The following EVL variants were observed in gnomAD, a reference collection of about 807,000 sequenced individuals.
EVL encodes ena/VASP-like protein.
In EVL, 21 loss-of-function variants were observed where a neutral mutation model predicts 59.6. The ratio of observed to expected loss-of-function variants is 0.35; its 90% CI spans 0.25 to 0.51. The LOEUF is 0.51. Ranked by LOEUF, EVL falls within the 20% of genes least tolerant of loss-of-function variation. EVL has a pLI of 0.97. For synonymous variants in EVL, 198 were observed against 203.5 expected (o/e 0.97, Z 0.23); for missense variants, 462 against 546.6 (o/e 0.85, Z 1.54).
intron 1 of EVL, among the ~76,000 whole-genome samples, chr14:100,004,761 A>G (rs1423865580): frequency 6.6e-6 from 1 of 152,148 alleles, no homozygotes; most frequent in African/African-American, 2.4e-5. Context: ...CTTTCTATAT[A>G]TTTCTCTTAT....
chr14:100,142,833 G>A (rs988402941), intron 13 of EVL, among the ~76,000 whole-genome samples: 5 of 152,228 alleles, frequency 3.3e-5, no homozygotes, highest in Admixed American at 6.5e-5. Context: ...GCTGGGTGCC[G>A]TCTGGCCCCA....
intron 4 of EVL, among the ~76,000 whole-genome samples, chr14:100,124,965 G>GACAC (rs530242947): frequency 1.6e-4 from 24 of 151,448 alleles, no homozygotes; most frequent in Non-Finnish European, 2.9e-4. Context: ...CGTACGGACG[G>GACAC]ACACACACAC....
At chr14:99,989,341 C>G (rs1043913147) in intron 1 of EVL, among the ~76,000 whole-genome samples, 32 of 152,142 alleles carry the variant, frequency 2.1e-4, no homozygotes, top group Admixed American at 2.0e-3. Flanking sequence ...TAAGTCAGGT[C>G]TTCATCGTTA....
Position 100,134,220 on chromosome 14 carries a change from CA to C in EVL, c.900+1442del, listed in dbSNP as rs372869537. Among the ~76,000 whole-genome samples the C allele has an allele frequency of 2.1e-4, 32 of 152,340 alleles. No individual in the cohort carries two copies. The East Asian group carries it at 5.8e-3, about 28-fold the overall frequency. ...TTGCAGGCCACGGGATAATCACAGACATCAAAATACTGTGGCCTCGCTCCAG... is the reference window on the plus strand; with the variant it reads ...TTGCAGGCCACGGGATAATCACAGACTCAAAATACTGTGGCCTCGCTCCAG... On this transcript the variant is annotated intron_variant, in intron 8 of 13. Coordinates refer to ENST00000392920, the MANE Select transcript of EVL (RefSeq NM_016337.3).
chr14:100,106,553 A>T (rs376103546), intron 3 of EVL: 1 of 260,972 alleles, frequency 3.8e-6, no homozygotes. Context: ...TGCACATTTT[A>T]TTATAGACTG....
At chr14:100,103,299 C>T (rs974083471) in intron 3 of EVL, among the ~76,000 whole-genome samples, 1 of 151,462 alleles carries the variant, frequency 6.6e-6, no homozygotes, top group African/African-American at 2.4e-5. Flanking sequence ...AGTAGAAAGG[C>T]ACACAGCCAA....
intron 1 of EVL, among the ~76,000 whole-genome samples, chr14:99,973,207 CA>C (rs1224337953): frequency 6.6e-6 from 1 of 152,062 alleles, no homozygotes; most frequent in African/African-American, 2.4e-5. Flanking sequence ...CGGTAAACAC[CA>C]AGTTGCCAAA....
chr14:100,078,056 G>C (rs1336839637), intron 1 of EVL, among the ~76,000 whole-genome samples: 1 of 152,294 alleles, frequency 6.6e-6, no homozygotes, highest in East Asian at 1.9e-4. Context: ...TTACAGGCGT[G>C]AGCCACTGCG....
At chr14:100,091,542 G>C (rs1379325784) in intron 2 of EVL, among the ~76,000 whole-genome samples, 3 of 152,126 alleles carry the variant, frequency 2.0e-5, no homozygotes, top group South Asian at 2.1e-4. Context: ...GGTTCCTGGA[G>C]GGGGGGCAGG....
At chr14:100,132,185 C>T (rs1022194004) in intron 7 of EVL, among the ~76,000 whole-genome samples, 3 of 151,238 alleles carry the variant, frequency 2.0e-5, no homozygotes, top group Admixed American at 6.6e-5. Flanking sequence ...AAGGGCGTCA[C>T]GTGGACCTAT....
intron 8 of EVL, among the ~76,000 whole-genome samples, chr14:100,133,856 G>C (rs548678388): frequency 1.3e-5 from 2 of 152,352 alleles, no homozygotes; most frequent in South Asian, 4.1e-4. Flanking sequence ...AGAATTGCTT[G>C]AACCTGGGAG....
chr14:100,111,599 A>G (rs568271173), intron 3 of EVL, among the ~76,000 whole-genome samples: 1 of 152,260 alleles, frequency 6.6e-6, no homozygotes, highest in South Asian at 2.1e-4. Context: ...ATCCCTAGAT[A>G]CTGGGATCTC....
At chr14:100,124,401 CT>C (rs781513540) in intron 4 of EVL, among the ~76,000 whole-genome samples, 10 of 152,228 alleles carry the variant, frequency 6.6e-5, no homozygotes, top group Non-Finnish European at 1.2e-4. Context: ...CTCCTCTGGC[CT>C]TTTCCTAAGA....
At chr14:99,979,779 G>T (rs1312077597) in intron 1 of EVL, among the ~76,000 whole-genome samples, 5 of 152,216 alleles carry the variant, frequency 3.3e-5, no homozygotes, top group African/African-American at 4.8e-5. Context: ...TGAGGCAGGA[G>T]AATGGTGCGA....
intron 1 of EVL, among the ~76,000 whole-genome samples, chr14:100,041,623 A>G (rs535762176): frequency 7.9e-5 from 12 of 152,364 alleles, no homozygotes; most frequent in African/African-American, 2.9e-4. Flanking sequence ...GTCTTTTAAG[A>G]GATTATTATT....
chr14:100,112,632 C>T (rs1337308942), intron 3 of EVL, among the ~76,000 whole-genome samples: 2 of 152,220 alleles, frequency 1.3e-5, no homozygotes, highest in African/African-American at 4.8e-5. Flanking sequence ...AGGGCCTCTA[C>T]ACCCAAGGCC....
intron 2 of EVL, among the ~76,000 whole-genome samples, chr14:100,095,931 T>C (rs1885779211): frequency 6.6e-6 from 1 of 152,206 alleles, no homozygotes; most frequent in Non-Finnish European, 1.5e-5. Flanking sequence ...TTTTGCCATA[T>C]TGGCCAGGCT....
intron 3 of EVL, among the ~76,000 whole-genome samples, chr14:100,115,734 C>G (rs1417549451): frequency 2.0e-5 from 3 of 152,172 alleles, no homozygotes; most frequent in Admixed American, 6.5e-5. Flanking sequence ...CTGCTTGAGC[C>G]TAAATTCATG....
At chr14:100,023,452 C>CA (rs2061161682) in intron 1 of EVL, among the ~76,000 whole-genome samples, 1 of 149,868 alleles carries the variant, frequency 6.7e-6, no homozygotes, top group Admixed American at 6.7e-5. Context: ...CTCAGCCTCC[C>CA]GAGTAGCTGG....
Sources: allele counts gnomAD v4.1 joint callset (sites outside exome capture counted in the v4.1 genomes callset), GRCh38; gene constraint gnomAD v4.1.1; transcripts MANE v1.5; gene names NCBI Gene and HGNC (gene_info 2026-07-23, HGNC 2026-07-21).